The following FHIT variants were observed in gnomAD, a reference collection of about 807,000 sequenced individuals.
FHIT encodes the protein fragile histidine triad diadenosine triphosphatase, also known as bis(5'-adenosyl)-triphosphatase.
A neutral mutation model predicts 17.9 loss-of-function variants in FHIT; 19 were observed. The observed-to-expected ratio is 1.06, with a 90% confidence interval of 0.74 to 1.56. The LOEUF (loss-of-function observed/expected upper bound fraction) is 1.56, where lower values mean the gene tolerates loss of function less well. Ranked by LOEUF, FHIT falls within the 40% of genes most tolerant of loss-of-function variation. The pLI, the probability that FHIT is intolerant of heterozygous loss-of-function variation, is 0.00. For missense variants in FHIT, 248 were observed against 189.2 expected (o/e 1.31, Z -1.82); for synonymous variants, 81 against 69.7 (o/e 1.16, Z -0.81).
chr3:60,150,986 A>G (rs1700439690), intron 5 of FHIT, among the ~76,000 whole-genome samples: 1 of 152,186 alleles, frequency 6.6e-6, no homozygotes, highest in African/African-American at 2.4e-5. Context: ...AATGGAATTA[A>G]AGACCCCCAA....
At chr3:61,082,708 CA>C (rs780462255) in intron 2 of FHIT, among the ~76,000 whole-genome samples, 1 of 152,200 alleles carries the variant, frequency 6.6e-6, no homozygotes, top group Non-Finnish European at 1.5e-5. Context: ...TTAGTATTAT[CA>C]ATCTTCTTTC....
chr3:61,127,580 C>T (rs1325285576), intron 2 of FHIT, among the ~76,000 whole-genome samples: 4 of 152,132 alleles, frequency 2.6e-5, no homozygotes, highest in African/African-American at 9.7e-5. Flanking sequence ...TTAAGAGTAA[C>T]TTGGCCAGGT....
chr3:60,517,716 G>A (rs1355146360), intron 5 of FHIT, among the ~76,000 whole-genome samples: 1 of 152,234 alleles, frequency 6.6e-6, no homozygotes, highest in Admixed American at 6.5e-5. Flanking sequence ...TGACTCAGAA[G>A]ACACATTATA....
chr3:60,451,183 A>G (rs1249661375), intron 5 of FHIT, among the ~76,000 whole-genome samples: 2 of 152,040 alleles, frequency 1.3e-5, no homozygotes, highest in Non-Finnish European at 2.9e-5. Context: ...CATTTTATCA[A>G]ATGGTTATCA....
chr3:60,170,712 G>A (rs1257545309), intron 5 of FHIT, among the ~76,000 whole-genome samples: 2 of 151,752 alleles, frequency 1.3e-5, no homozygotes, highest in Non-Finnish European at 2.9e-5. Context: ...ATCAAACACT[G>A]GGGAAAAAAA....
At chr3:61,014,807 A>AAAAAAAAAAAATATATAT (rs1553798839) in intron 3 of FHIT, among the ~76,000 whole-genome samples, 1 of 49,118 alleles carries the variant, frequency 2.0e-5, no homozygotes, top group Non-Finnish European at 4.6e-5. Context: ...AAAAAAAAAA[A>AAAAAAAAAAAATATATAT]ATATATATAT....
At chr3:60,410,146 A>G (rs1702010782) in intron 5 of FHIT, among the ~76,000 whole-genome samples, 1 of 152,328 alleles carries the variant, frequency 6.6e-6, no homozygotes, top group Admixed American at 6.5e-5. Flanking sequence ...CCACGTTTTG[A>G]TGCTGCTTAC....
intron 4 of FHIT, among the ~76,000 whole-genome samples, chr3:60,711,011 A>G (rs997407461): frequency 9.9e-5 from 15 of 152,116 alleles, no homozygotes; most frequent in African/African-American, 3.6e-4. Flanking sequence ...GCAGCCTAAC[A>G]GGGAGGCACC....
At chr3:61,111,827 C>T (rs2106890554) in intron 2 of FHIT, among the ~76,000 whole-genome samples, 1 of 152,286 alleles carries the variant, frequency 6.6e-6, no homozygotes, top group African/African-American at 2.4e-5. Flanking sequence ...TTTGAGTCTT[C>T]TACCTTTTTA....
intron 8 of FHIT, among the ~76,000 whole-genome samples, chr3:59,793,268 A>C (rs1699643428): frequency 6.6e-6 from 1 of 152,210 alleles, no homozygotes; most frequent in Non-Finnish European, 1.5e-5. Context: ...GTCATTAAAA[A>C]TGCAGTAGGG....
chr3:60,631,344 A>ATT (rs2039436983), intron 4 of FHIT, among the ~76,000 whole-genome samples: 1 of 152,200 alleles, frequency 6.6e-6, no homozygotes, highest in Non-Finnish European at 1.5e-5. Flanking sequence ...AAAATCAAAT[A>ATT]AAGGGAAAAT....
chr3:61,070,442 TG>T (rs2034765595), intron 2 of FHIT, among the ~76,000 whole-genome samples: 1 of 152,166 alleles, frequency 6.6e-6, no homozygotes, highest in African/African-American at 2.4e-5. Context: ...ACACTTGGCA[TG>T]GCAGTGAAAA....
chr3:60,599,659 A>C (rs1435103779), intron 4 of FHIT, among the ~76,000 whole-genome samples: 1 of 147,574 alleles, frequency 6.8e-6, no homozygotes, highest in Non-Finnish European at 1.5e-5. Context: ...ACTCCCAAGG[A>C]AGTAAAATGC....
At chr3:60,272,953 A>G (rs529839172) in intron 5 of FHIT, among the ~76,000 whole-genome samples, 31 of 152,340 alleles carry the variant, frequency 2.0e-4, no homozygotes, top group Middle Eastern at 6.8e-3. Context: ...ACGTATGTCT[A>G]ACAATTCTGT....
intron 5 of FHIT, among the ~76,000 whole-genome samples, chr3:60,317,261 C>A (rs976869681): frequency 4.6e-5 from 7 of 151,926 alleles, no homozygotes; most frequent in African/African-American, 1.7e-4. Flanking sequence ...TTTTGAAAAT[C>A]AATCCCTATA....
chr3:60,146,356 C>CTATT (rs1700240717), intron 5 of FHIT, among the ~76,000 whole-genome samples: 1 of 151,904 alleles, frequency 6.6e-6, no homozygotes, highest in South Asian at 2.1e-4. Flanking sequence ...TAACAATAGG[C>CTATT]TATTGTATGC....
intron 5 of FHIT, among the ~76,000 whole-genome samples, chr3:60,061,732 C>T (rs1316355163): frequency 2.6e-5 from 4 of 152,256 alleles, no homozygotes; most frequent in South Asian, 4.1e-4. Flanking sequence ...AAACATTTCA[C>T]TGTTATTCAG....
intron 5 of FHIT, among the ~76,000 whole-genome samples, chr3:60,108,439 G>C (rs1704521747): frequency 1.3e-5 from 2 of 151,968 alleles, no homozygotes; most frequent in Admixed American, 6.6e-5. Flanking sequence ...TATTCATTTT[G>C]TTTTTATTTC....
intron 5 of FHIT, among the ~76,000 whole-genome samples, chr3:60,152,621 C>T (rs1328373359): frequency 6.6e-6 from 1 of 152,132 alleles, no homozygotes; most frequent in Non-Finnish European, 1.5e-5. Flanking sequence ...CCCAAAATAA[C>T]AAAGGAAAAC....
Sources: gnomAD v4.1 joint callset for allele counts (sites outside exome capture counted in the v4.1 genomes callset) on GRCh38, gnomAD v4.1.1 for gene constraint, MANE v1.5 for transcripts, NCBI Gene and HGNC (gene_info 2026-07-23, HGNC 2026-07-21) for gene names.